The following RNASE9 variants were observed in gnomAD, a reference collection of about 807,000 sequenced individuals.
RNASE9 encodes the protein inactive ribonuclease-like protein 9.
For missense variants in RNASE9, 263 were observed against 247.1 expected, an observed-to-expected ratio of 1.06 and a Z score of -0.43; for synonymous variants, 95 against 87.6, an observed-to-expected ratio of 1.08 and a Z score of -0.47.
chr14:20,559,278 A>G (rs1346967188), intron 2 of RNASE9, among the ~76,000 whole-genome samples: 3 of 151,334 alleles, frequency 2.0e-5, no homozygotes, highest in Non-Finnish European at 4.4e-5. Flanking sequence ...ACATTTTGAT[A>G]TCTCATAAAG....
chr14:20,556,342 G>A (rs1883683353), exon 3 of RNASE9: 1 of 772,662 alleles, frequency 1.3e-6, no homozygotes, highest in Non-Finnish European at 2.1e-6. Context: ...AGAAAGGAAG[G>A]TGGGTGATTA....
intron 1 of RNASE9, among the ~76,000 whole-genome samples, chr14:20,559,925 G>T (rs1421146266): frequency 6.6e-6 from 1 of 152,126 alleles, no homozygotes; most frequent in African/African-American, 2.4e-5. Flanking sequence ...TGCTTGGAAG[G>T]TTTATTGTAA....
chr14:20,558,132 A>G (rs1883784943), exon 3 of RNASE9: 1 of 286,706 alleles, frequency 3.5e-6, no homozygotes, highest in South Asian at 4.0e-5. Flanking sequence ...ATGCTCCATG[A>G]AGAACCAATT....
intron 2 of RNASE9, 101 bp downstream of exon 2, chr14:20,559,481 G>C (rs895925631): frequency 2.0e-5 from 3 of 151,954 alleles, no homozygotes; most frequent in African/African-American, 7.3e-5. Flanking sequence ...GAGGGAGGGA[G>C]GGAGGGAGAA....
intron 1 of RNASE9, chr14:20,560,514 T>C (rs999110387): frequency 9.9e-5 from 15 of 151,996 alleles, no homozygotes; most frequent in African/African-American, 3.4e-4. Flanking sequence ...CAAATTTTAC[T>C]TAAAAGGGAA....
exon 3 of RNASE9, chr14:20,556,921 T>G (rs767825419): frequency 6.2e-7 from 1 of 1,614,120 alleles, no homozygotes; most frequent in South Asian, 1.1e-5. Flanking sequence ...ACTAAAAAAT[T>G]TTTCCAAACA....
chr14:20,557,706 T>C (rs543703262), exon 3 of RNASE9: 1 of 152,786 alleles, frequency 6.5e-6, no homozygotes, highest in Admixed American at 6.5e-5. Context: ...GTAAAAACAA[T>C]GATACACAGT....
At chr14:20,557,335 T>A in exon 3 of RNASE9, 2 of 406,546 alleles carry the variant, frequency 4.9e-6, no homozygotes, top group Non-Finnish European at 8.7e-6. Flanking sequence ...GGGAGAGAAA[T>A]AAAGGTAAGG....
rs755236091 is a variant in RNASE9, at chr14:20,556,577, G to A, written c.493C>T (p.Leu165Phe). 4.8e-5 allele frequency: 78 copies of A among 1,613,714 alleles called. No individual in the cohort carries two copies. The Admixed American group carries it at 5.0e-4, about 10-fold the overall frequency. ...TCATTTTGCCATGAACAAGTGATAA[G>A]GACGTAGCCCTTCCTATAAAGTGAT... The change falls in exon 3 of 3, where the codon CTT (leucine) becomes TTT (phenylalanine). Residue 165 changes from leucine (L) to phenylalanine (F), a missense_variant. By Grantham distance (22) the Leu-to-Phe change is conservative. Transcript: ENST00000555230.
At chr14:20,558,430 G>C in exon 3 of RNASE9, 1 of 756,202 alleles carries the variant, frequency 1.3e-6, no homozygotes, top group Non-Finnish European at 2.4e-6. Context: ...GAATGGGAAA[G>C]AAAAGAAAAA....
At chr14:20,556,442 G>A (rs1883688868) in exon 3 of RNASE9, 11 of 1,575,510 alleles carry the variant, frequency 7.0e-6, no homozygotes, top group Non-Finnish European at 8.7e-6. Context: ...AGCTCTCAGA[G>A]AACGCTCTGC....
At chr14:20,557,244 A>G (rs1368131150) in exon 3 of RNASE9, 1 of 655,622 alleles carries the variant, frequency 1.5e-6, no homozygotes, top group Non-Finnish European at 2.5e-6. Flanking sequence ...TAAATTATTG[A>G]CAAAAATGAC....
At chr14:20,559,979 C>CTAGT (rs1883889780) in intron 1 of RNASE9, among the ~76,000 whole-genome samples, 1 of 152,072 alleles carries the variant, frequency 6.6e-6, no homozygotes, top group Admixed American at 6.6e-5. Context: ...GGTTGTCTAT[C>CTAGT]TAGTCTCTCC....
rs567669775 is a variant in RNASE9, at chr14:20,558,884, T to C, written c.-1581-234A>G. On this transcript the variant is annotated intron_variant, in intron 2 of 2. Coordinates refer to ENST00000555230, the Ensembl canonical transcript of RNASE9. ...TTTTAAATACTGTATTTTGTTACTT[T>C]TATAGATTTTTAGAAATCTTTCACC... is the stretch of plus-strand genomic sequence containing the variant. Among the ~76,000 whole-genome samples the C allele has an allele frequency of 1.4e-4, 22 of 152,346 alleles. No homozygotes were observed. In the South Asian group the frequency reaches 2.5e-3, roughly 17 times the overall value.
rs528030065 is a variant in RNASE9, at chr14:20,558,663, T to G, written c.-1581-13A>C. ...GCAACATCTTGATCTGGAGAGAACA[T>G]GGACAGTACACGTGTGAAAAGCAGA... On this transcript the variant is annotated splice_polypyrimidine_tract_variant and intron_variant, in intron 2 of 2. Transcript: ENST00000555230. 5 of 1,356,006 alleles carry G rather than the reference T, an allele frequency of 3.7e-6. No homozygotes were observed. The Admixed American group carries it at 9.8e-5, about 27-fold the overall frequency. The allele number at this position is 1,356,006 out of a possible 1,614,324, so 84.0% of individuals were successfully genotyped here. A position where few individuals can be genotyped will look rare whatever the true frequency, so the allele number is the denominator to read the frequency against.
exon 3 of RNASE9, chr14:20,556,543 T>A: frequency 6.2e-7 from 1 of 1,613,930 alleles, no homozygotes; most frequent in Non-Finnish European, 8.5e-7. Context: ...AGGAATACGT[T>A]TTTGCATTTC....
chr14:20,558,521 C>T (rs1883806384), exon 3 of RNASE9: 1 of 1,525,850 alleles, frequency 6.6e-7, no homozygotes, highest in Non-Finnish European at 8.9e-7. Context: ...TGCTTTTCCT[C>T]CCATCCCTGC....
chr14:20,558,070 G>A (rs963783090), exon 3 of RNASE9: 1 of 223,956 alleles, frequency 4.5e-6, no homozygotes. Flanking sequence ...TACTGAAATG[G>A]CCAGTGCTAA....
intron 2 of RNASE9, chr14:20,558,775 C>T: frequency 1.6e-6 from 1 of 608,940 alleles, no homozygotes; most frequent in Non-Finnish European, 3.0e-6. Context: ...TTTAAATCTG[C>T]AACCTTCTTA....
Sources: allele counts gnomAD v4.1 joint callset (sites outside exome capture counted in the v4.1 genomes callset), GRCh38; gene constraint gnomAD v4.1.1; transcripts MANE v1.5; gene names NCBI Gene and HGNC (gene_info 2026-07-23, HGNC 2026-07-21).